Variants in NTM observed in about 807,000 individuals in gnomAD.
NTM encodes IgLON family member 2.
Under a neutral mutation model 42.1 loss-of-function variants are expected in NTM, and 13 were observed. The ratio of observed to expected loss-of-function variants is 0.31; its 90% CI spans 0.20 to 0.49. NTM has a LOEUF of 0.49. Among genes scored for constraint, NTM ranks in the 20% least tolerant of loss-of-function variants. The probability of loss-of-function intolerance (pLI) is 0.99; values close to 1 mark genes in which losing one functional copy is unlikely to be tolerated. For synonymous variants in NTM, 187 were observed against 179.2 expected, an observed-to-expected ratio of 1.04 and a Z score of -0.35; for missense variants, 373 against 452.8, an observed-to-expected ratio of 0.82 and a Z score of 1.60.
intron 1 of NTM, among the ~76,000 whole-genome samples, chr11:131,711,168 G>A (rs1011961333): frequency 1.4e-4 from 21 of 152,280 alleles, no homozygotes; most frequent in Middle Eastern, 3.4e-3. Context: ...CACCGCAAAA[G>A]AAACTACCAT....
At chr11:132,111,289 G>C (rs992364920) in intron 2 of NTM, among the ~76,000 whole-genome samples, 1 of 151,036 alleles carries the variant, frequency 6.6e-6, no homozygotes, top group Non-Finnish European at 1.5e-5. Flanking sequence ...ATAAATATAT[G>C]TATTTTTTAT....
intron 1 of NTM, chr11:131,534,431 T>C (rs908564607): frequency 2.6e-5 from 4 of 152,298 alleles, no homozygotes; most frequent in African/African-American, 4.8e-5. Flanking sequence ...GTTTTAGTTA[T>C]TAGCTTGTGA....
chr11:132,119,716 G>A (rs1401351646), intron 2 of NTM, among the ~76,000 whole-genome samples: 1 of 152,234 alleles, frequency 6.6e-6, no homozygotes, highest in Non-Finnish European at 1.5e-5. Context: ...CTCTGCCAAA[G>A]AGCCATATCT....
At chr11:132,070,073 A>T (rs1262095818) in intron 2 of NTM, among the ~76,000 whole-genome samples, 1 of 147,718 alleles carries the variant, frequency 6.8e-6, no homozygotes, top group African/African-American at 2.5e-5. Flanking sequence ...CAGCCAAGTT[A>T]ACACGTCACA....
At chr11:131,689,921 T>A (rs1456906302) in intron 1 of NTM, among the ~76,000 whole-genome samples, 1 of 152,238 alleles carries the variant, frequency 6.6e-6, no homozygotes, top group Non-Finnish European at 1.5e-5. Context: ...TTTACACAGT[T>A]GGCTCCCTCG....
At chr11:131,925,664 T>C (rs1316941501) in intron 2 of NTM, among the ~76,000 whole-genome samples, 1 of 152,076 alleles carries the variant, frequency 6.6e-6, no homozygotes, top group Non-Finnish European at 1.5e-5. Context: ...GGATTACAGA[T>C]AGATGTAAGC....
At chr11:131,732,078 A>G (rs1201020291) in intron 1 of NTM, among the ~76,000 whole-genome samples, 1 of 152,210 alleles carries the variant, frequency 6.6e-6, no homozygotes, top group Non-Finnish European at 1.5e-5. Context: ...ACCCCCACGT[A>G]TTCATCTATA....
chr11:131,455,819 G>T (rs972563264), intron 1 of NTM, among the ~76,000 whole-genome samples: 4 of 152,214 alleles, frequency 2.6e-5, no homozygotes, highest in Non-Finnish European at 5.9e-5. Flanking sequence ...CGTCACCTCT[G>T]TTGAAGTCGA....
At chr11:132,169,035 C>A (rs1207012275) in intron 3 of NTM, among the ~76,000 whole-genome samples, 2 of 119,900 alleles carry the variant, frequency 1.7e-5, no homozygotes, top group Non-Finnish European at 3.6e-5. Flanking sequence ...TTATCAAACT[C>A]ATTATCCATC....
chr11:131,923,669 T>C (rs2057536422), intron 2 of NTM, among the ~76,000 whole-genome samples: 1 of 152,172 alleles, frequency 6.6e-6, no homozygotes, highest in Non-Finnish European at 1.5e-5. Context: ...GCTCAAGGCC[T>C]ACAAACTTTG....
chr11:131,720,070 T>C (rs1398905569), intron 1 of NTM, among the ~76,000 whole-genome samples: 1 of 152,068 alleles, frequency 6.6e-6, no homozygotes, highest in East Asian at 1.9e-4. Flanking sequence ...GAAACCATGA[T>C]CCAAAAAAGG....
chr11:131,841,011 G>A (rs1161980138), intron 1 of NTM, among the ~76,000 whole-genome samples: 1 of 152,154 alleles, frequency 6.6e-6, no homozygotes, highest in Non-Finnish European at 1.5e-5. Context: ...ACCCACTTGA[G>A]GTTTTCAGTG....
At chr11:131,594,031 C>G in intron 1 of NTM, among the ~76,000 whole-genome samples, 1 of 152,138 alleles carries the variant, frequency 6.6e-6, no homozygotes, top group East Asian at 1.9e-4. Flanking sequence ...TGTGCACCAG[C>G]CTTATATAGT....
chr11:131,974,148 G>T (rs1701789033), intron 2 of NTM, among the ~76,000 whole-genome samples: 1 of 152,114 alleles, frequency 6.6e-6, no homozygotes. Flanking sequence ...AATTGACTGT[G>T]TTATCAGTAA....
intron 1 of NTM, among the ~76,000 whole-genome samples, chr11:131,419,867 T>G (rs1055618564): frequency 2.0e-5 from 3 of 152,092 alleles, no homozygotes; most frequent in African/African-American, 7.2e-5. Flanking sequence ...GGAGTGAATG[T>G]GGGGCAGAGC....
intron 2 of NTM, chr11:131,981,430 G>A (rs1000048536): frequency 1.3e-5 from 2 of 152,214 alleles, no homozygotes; most frequent in African/African-American, 4.8e-5. Context: ...ACGAGCTGGA[G>A]CAGTCTTGAT....
chr11:132,200,819 C>T (rs550472838), intron 3 of NTM, among the ~76,000 whole-genome samples: 1 of 152,248 alleles, frequency 6.6e-6, no homozygotes, highest in South Asian at 2.1e-4. Context: ...ATGATTATTA[C>T]CTGAGTATCT....
intron 1 of NTM, among the ~76,000 whole-genome samples, chr11:131,873,055 A>T (rs1014985936): frequency 6.6e-6 from 1 of 152,200 alleles, no homozygotes; most frequent in East Asian, 1.9e-4. Flanking sequence ...TGTGAGACAC[A>T]TGCACATGTA....
chr11:131,788,474 G>A (rs968980404), intron 1 of NTM, among the ~76,000 whole-genome samples: 1 of 151,356 alleles, frequency 6.6e-6, no homozygotes, highest in African/African-American at 2.4e-5. Context: ...TTAATTTTTT[G>A]ACTGAGTCAT....
Sources: gnomAD v4.1 joint callset for allele counts (sites outside exome capture counted in the v4.1 genomes callset) on GRCh38, gnomAD v4.1.1 for gene constraint, MANE v1.5 for transcripts, NCBI Gene and HGNC (gene_info 2026-07-23, HGNC 2026-07-21) for gene names.